GLT1D1: variants seen among roughly 807,000 people sequenced by gnomAD.
GLT1D1 encodes glycosyltransferase 1 domain containing 1.
A neutral mutation model predicts 28.7 loss-of-function variants in GLT1D1; 21 were observed. That is an observed-to-expected ratio of 0.73 (90% CI 0.52 to 1.05). GLT1D1 has a LOEUF of 1.05. Ranked by LOEUF, GLT1D1 falls within the 50% of genes least tolerant of loss-of-function variation. The pLI, the probability that GLT1D1 is intolerant of heterozygous loss-of-function variation, is 0.00. For synonymous variants in GLT1D1, 147 were observed against 124.8 expected, an observed-to-expected ratio of 1.18 and a Z score of -1.19; for missense variants, 343 against 330.6, an observed-to-expected ratio of 1.04 and a Z score of -0.29.
intron 7 of GLT1D1, among the ~76,000 whole-genome samples, chr12:128,976,823 T>G (rs1422234242): frequency 6.6e-6 from 1 of 152,064 alleles, no homozygotes; most frequent in African/African-American, 2.4e-5. Context: ...ATGAGAAGGA[T>G]TGTAATGAGG....
intron 4 of GLT1D1, among the ~76,000 whole-genome samples, chr12:128,916,513 G>A (rs1013476240): frequency 5.9e-5 from 9 of 152,156 alleles, no homozygotes; most frequent in East Asian, 3.8e-4. Flanking sequence ...CTTGCCCACC[G>A]GTGGAGTAGA....
chr12:128,984,040 G>T lies in GLT1D1; in HGVS notation c.*950G>T, dbSNP rs181401897. The stretch of plus-strand genomic sequence containing the variant: ...CACATGAGGACGTGCAGTCTTCCTT[G>T]TCCTCTCCTAGTGGAATTTGCCTGG... On this transcript the variant is annotated 3_prime_UTR_variant, in exon 8 of 8. Transcript: ENST00000281703. 1.3e-5 allele frequency: 2 copies of T among 152,326 alleles called. No homozygotes were observed. Among genetic ancestry groups the T allele is most frequent in the African/African-American group, 4.8e-5 (2 of 41,458 alleles). 9.4% of individuals were successfully genotyped at this position (152,326 alleles called of 1,614,324 possible).
intron 7 of GLT1D1, among the ~76,000 whole-genome samples, chr12:128,982,163 G>A (rs1445674607): frequency 2.0e-5 from 3 of 151,934 alleles, no homozygotes; most frequent in Admixed American, 6.6e-5. Flanking sequence ...GCTGAGCCGC[G>A]GGAGGAAAGG....
chr12:128,979,822 C>A (rs1004304502), intron 7 of GLT1D1, among the ~76,000 whole-genome samples: 6 of 152,202 alleles, frequency 3.9e-5, no homozygotes, highest in African/African-American at 1.4e-4. Context: ...GCCCAGCCTA[C>A]CTCATCAGTG....
intron 4 of GLT1D1, among the ~76,000 whole-genome samples, chr12:128,934,820 G>A (rs1268173257): frequency 2.0e-5 from 3 of 152,178 alleles, no homozygotes; most frequent in Non-Finnish European, 4.4e-5. Flanking sequence ...CTGAGAAAAT[G>A]AGCCCCACCC....
chr12:128,871,547 AAGAG>A (rs58485875), intron 1 of GLT1D1, among the ~76,000 whole-genome samples: 2 of 152,128 alleles, frequency 1.3e-5, no homozygotes, highest in Admixed American at 6.5e-5. Flanking sequence ...AAGAAACAGA[AAGAG>A]AGAGAGAAAA....
At position 128,912,471 on chromosome 12, in the gene GLT1D1, T is replaced by C; in HGVS notation, c.375+13184T>C. 6.8e-7 allele frequency: 1 copy of C among 1,468,384 alleles called. No individual in the cohort carries two copies. Among genetic ancestry groups the C allele is most frequent in the Non-Finnish European group, 9.2e-7 (1 of 1,092,610 alleles). The allele number at this position is 1,468,384 out of a possible 1,614,324, so 91.0% of individuals were successfully genotyped here. ...ATGTCCAGAGTCAAGGTAAGATTTT[T>C]AAAATATTTATTTACTTATGTACAG... On this transcript the variant is annotated intron_variant, in intron 4 of 7. Coordinates refer to ENST00000281703, the MANE Select transcript of GLT1D1 (RefSeq NM_144669.3).
chr12:128,896,426 G>A (rs1215867819), intron 3 of GLT1D1, among the ~76,000 whole-genome samples: 1 of 151,744 alleles, frequency 6.6e-6, no homozygotes, highest in African/African-American at 2.4e-5. Context: ...CCAGGGAAAA[G>A]CAAATTACCA....
Position 128,947,422 on chromosome 12 carries a change from C to A in GLT1D1, c.504C>A (p.Ser168Arg). 6.2e-7 allele frequency: 1 copy of A among 1,614,062 alleles called. No individual in the cohort carries two copies. Among genetic ancestry groups the A allele is most frequent in the Non-Finnish European group, 8.5e-7 (1 of 1,179,984 alleles). ...AGAATTGCTTCGCGGTGGTGAATAG[C>A]TCTGTCTCTGAAGGCATGTCAGCTG... The change falls in exon 6 of 8, where the codon AGC (serine) becomes AGA (arginine). Residue 168 changes from serine to arginine, a missense_variant. Coordinates refer to ENST00000281703, the MANE Select transcript of GLT1D1 (RefSeq NM_144669.3).
chr12:128,945,641 G>A (rs956753069), intron 5 of GLT1D1, among the ~76,000 whole-genome samples: 3 of 152,216 alleles, frequency 2.0e-5, no homozygotes, highest in Non-Finnish European at 2.9e-5. Flanking sequence ...AAGAATGGAG[G>A]GGTATTGCCC....
intron 4 of GLT1D1, chr12:128,944,968 C>G (rs1253956862): frequency 3.6e-6 from 2 of 557,318 alleles, no homozygotes; most frequent in Non-Finnish European, 6.4e-6. Flanking sequence ...CCCAACAGGC[C>G]CCGGTGTGTG....
At chr12:128,955,178 C>CT (rs1877144779) in intron 6 of GLT1D1, among the ~76,000 whole-genome samples, 1 of 152,160 alleles carries the variant, frequency 6.6e-6, no homozygotes, top group Non-Finnish European at 1.5e-5. Context: ...ATGTGATTAT[C>CT]TGTTTACTTT....
At chr12:128,917,698 G>A (rs1404075220) in intron 4 of GLT1D1, among the ~76,000 whole-genome samples, 1 of 152,136 alleles carries the variant, frequency 6.6e-6, no homozygotes, top group African/African-American at 2.4e-5. Context: ...AGACATACAT[G>A]CAGCCAAAAA....
chr12:128,895,394 G>C (rs1869509579), intron 3 of GLT1D1, among the ~76,000 whole-genome samples: 3 of 151,956 alleles, frequency 2.0e-5, no homozygotes, highest in African/African-American at 7.2e-5. Flanking sequence ...GAGGTATGAA[G>C]TAGGTAGAAG....
intron 4 of GLT1D1, among the ~76,000 whole-genome samples, chr12:128,910,745 C>T (rs1298848600): frequency 6.7e-6 from 1 of 150,138 alleles, no homozygotes; most frequent in Non-Finnish European, 1.5e-5. Context: ...GTCTTTGAAA[C>T]TCTCTCTTAA....
At chr12:128,889,997 C>T (rs1868853530) in intron 3 of GLT1D1, among the ~76,000 whole-genome samples, 1 of 152,190 alleles carries the variant, frequency 6.6e-6, no homozygotes, top group Non-Finnish European at 1.5e-5. Flanking sequence ...TGGTCTCAAA[C>T]TCCTGGCCTC....
At chr12:128,975,627 T>G (rs844506) in intron 7 of GLT1D1, among the ~76,000 whole-genome samples, 1 of 152,032 alleles carries the variant, frequency 6.6e-6, no homozygotes, top group Non-Finnish European at 1.5e-5. Context: ...ATTTTTGTGT[T>G]TTTTAGTAGA....
intron 4 of GLT1D1, 103 bp from the exon 6 acceptor site, chr12:128,914,830 G>T (rs979268121): frequency 1.1e-5 from 9 of 833,870 alleles, no homozygotes; most frequent in Admixed American, 6.8e-5. Context: ...AAAATAATAA[G>T]AATAATAGTA....
At chr12:128,954,288 A>T (rs1433237416) in intron 6 of GLT1D1, among the ~76,000 whole-genome samples, 1 of 139,024 alleles carries the variant, frequency 7.2e-6, no homozygotes, top group Non-Finnish European at 1.5e-5. Flanking sequence ...CACCCGGCTA[A>T]TTTTTTTTTT....
Sources: gnomAD v4.1 joint callset for allele counts (sites outside exome capture counted in the v4.1 genomes callset) on GRCh38, gnomAD v4.1.1 for gene constraint, MANE v1.5 for transcripts, NCBI Gene and HGNC (gene_info 2026-07-23, HGNC 2026-07-21) for gene names.